KMT2C: variants seen among roughly 807,000 people sequenced by gnomAD.
KMT2C encodes the protein histone-lysine N-methyltransferase 2C.
KMT2C carries 88 observed loss-of-function variants against 507.9 expected under a neutral mutation model. The observed-to-expected ratio is 0.17, with a 90% confidence interval of 0.15 to 0.21. The LOEUF (loss-of-function observed/expected upper bound fraction) is 0.21, where lower values mean the gene tolerates loss of function less well. KMT2C is among the 10% of genes least tolerant of loss of function. The pLI, the probability that KMT2C is intolerant of heterozygous loss-of-function variation, is 1.00. For missense variants in KMT2C, 4,954 were observed against 5,957.8 expected, an observed-to-expected ratio of 0.83 and a Z score of 5.55; for synonymous variants, 2,049 against 2,080.8, an observed-to-expected ratio of 0.98 and a Z score of 0.42.
chr7:152,344,949 T>C (rs1237553619), intron 2 of KMT2C, among the ~76,000 whole-genome samples: 1 of 152,096 alleles, frequency 6.6e-6, no homozygotes, highest in African/African-American at 2.4e-5. Flanking sequence ...ATGATGCCAC[T>C]GCACTCCAGC....
At chr7:152,167,086 C>T in intron 42 of KMT2C, 60 bp downstream of exon 42, 1 of 1,368,216 alleles carries the variant, frequency 7.3e-7, no homozygotes, top group Non-Finnish European at 1.0e-6. Flanking sequence ...ATGAACAACA[C>T]ACCAAAACAT....
At position 152,309,994 on chromosome 7, in the gene KMT2C, T is replaced by G; in HGVS notation, c.821A>C (p.Asp274Ala). 6.2e-7 allele frequency: 1 copy of G among 1,612,966 alleles called. No individual in the cohort carries two copies. Among genetic ancestry groups the G allele is most frequent in the African/African-American group, 1.3e-5 (1 of 75,024 alleles). The change falls in exon 6 of 59, where the codon GAC becomes GCC. Residue 274 changes from aspartate to alanine, a missense_variant. Transcript: ENST00000262189. ...TGTGCTCCCTGAGACAACAGCTTTG[T>G]CCACGTTCACTAACAATGGTTCTTC... Reference protein sequence around the residue: ...QMEEPLLVNVDKAVVSGSTER... With the variant: ...QMEEPLLVNVAKAVVSGSTER...
At chr7:152,328,897 G>T (rs993162447) in intron 3 of KMT2C, among the ~76,000 whole-genome samples, 6 of 152,060 alleles carry the variant, frequency 3.9e-5, no homozygotes, top group Non-Finnish European at 7.4e-5. Context: ...GAAATCGTAG[G>T]GAGAAGCAGA....
chr7:152,146,196 T>C (rs1274759377), intron 53 of KMT2C, among the ~76,000 whole-genome samples: 1 of 152,152 alleles, frequency 6.6e-6, no homozygotes, highest in African/African-American at 2.4e-5. Flanking sequence ...AGTGACTTCA[T>C]CCTAGGAAGA....
intron 1 of KMT2C, among the ~76,000 whole-genome samples, chr7:152,433,901 ATGGGGTG>A (rs2097890009): frequency 6.6e-6 from 1 of 152,274 alleles, no homozygotes; most frequent in Non-Finnish European, 1.5e-5. Flanking sequence ...TTACAGGAGT[ATGGGGTG>A]TGGGGTGTGA....
intron 23 of KMT2C, among the ~76,000 whole-genome samples, chr7:152,207,958 A>G (rs1316596629): frequency 6.6e-6 from 1 of 152,176 alleles, no homozygotes; most frequent in Non-Finnish European, 1.5e-5. Flanking sequence ...CCTACAACCA[A>G]GACTTCTCAA....
intron 7 of KMT2C, among the ~76,000 whole-genome samples, chr7:152,268,697 T>C (rs1365098690): frequency 2.6e-5 from 4 of 152,184 alleles, no homozygotes; most frequent in Non-Finnish European, 5.9e-5. Flanking sequence ...AAATTGATCT[T>C]TTTGCTCACC....
chr7:152,227,257 T>C (rs2094961378), intron 18 of KMT2C, among the ~76,000 whole-genome samples: 2 of 152,254 alleles, frequency 1.3e-5, no homozygotes, highest in African/African-American at 2.4e-5. Context: ...GTACTGGGGT[T>C]GTACTATCAT....
chr7:152,361,609 A>C (rs552314986), intron 1 of KMT2C, among the ~76,000 whole-genome samples: 1 of 152,320 alleles, frequency 6.6e-6, no homozygotes, highest in South Asian at 2.1e-4. Flanking sequence ...TTTGATAGAA[A>C]ACATTAAAAT....
intron 1 of KMT2C, among the ~76,000 whole-genome samples, chr7:152,425,108 C>T (rs898583603): frequency 6.6e-6 from 1 of 152,158 alleles, no homozygotes; most frequent in African/African-American, 2.4e-5. Context: ...CAGTAGACTA[C>T]CATCTCCTTT....
chr7:152,314,174 T>C (rs756920977), intron 4 of KMT2C, among the ~76,000 whole-genome samples: 8 of 152,160 alleles, frequency 5.3e-5, no homozygotes, highest in Non-Finnish European at 1.0e-4. Flanking sequence ...CCTCTTTTTA[T>C]TGTTTCATTT....
intron 1 of KMT2C, among the ~76,000 whole-genome samples, chr7:152,399,229 T>C (rs1009834493): frequency 2.0e-5 from 3 of 152,208 alleles, no homozygotes; most frequent in Admixed American, 1.3e-4. Context: ...GATAAATAAA[T>C]ATCTAAATAA....
At chr7:152,420,993 C>T (rs892000194) in intron 1 of KMT2C, among the ~76,000 whole-genome samples, 13 of 151,344 alleles carry the variant, frequency 8.6e-5, no homozygotes, top group Admixed American at 7.9e-4. Flanking sequence ...AAGTTGTGCA[C>T]ATGTACCCTA....
At chr7:152,155,274 C>T (rs2091962089) in intron 46 of KMT2C, among the ~76,000 whole-genome samples, 1 of 152,174 alleles carries the variant, frequency 6.6e-6, no homozygotes, top group Admixed American at 6.5e-5. Context: ...AAGTAAGGGA[C>T]TTAGGTTAAA....
chr7:152,180,415 A>G (rs2093394256), intron 36 of KMT2C, among the ~76,000 whole-genome samples: 2 of 152,192 alleles, frequency 1.3e-5, no homozygotes, highest in Non-Finnish European at 2.9e-5. Context: ...ACTATTCAAT[A>G]TATTAGGAAA....
rs2094261953 is a variant in KMT2C, at chr7:152,205,022, AT to A, written c.3961+83del. The stretch of plus-strand genomic sequence containing the variant: ...TAAGGCTCTTATTGACTGTAACATT[AT>A]TTAGGATAGTTTTTTCCAATAGAAA... On this transcript the variant is annotated intron_variant, in intron 25 of 58. Coordinates refer to ENST00000262189, the MANE Select transcript of KMT2C (RefSeq NM_170606.3). 2.3e-5 allele frequency: 19 copies of A among 816,208 alleles called. No homozygotes were observed. In the South Asian group the frequency reaches 3.5e-4, roughly 15 times the overall value. 50.6% of individuals were successfully genotyped at this position (816,208 alleles called of 1,614,324 possible).
chr7:152,352,009 T>C (rs1236925389), intron 2 of KMT2C, among the ~76,000 whole-genome samples: 1 of 152,000 alleles, frequency 6.6e-6, no homozygotes, highest in Non-Finnish European at 1.5e-5. Context: ...CTCTGACCGC[T>C]GGTGAGCCGG....
intron 6 of KMT2C, among the ~76,000 whole-genome samples, chr7:152,295,474 G>A (rs1160597817): frequency 6.6e-6 from 1 of 152,088 alleles, no homozygotes; most frequent in Non-Finnish European, 1.5e-5. Flanking sequence ...GTGACCCTCT[G>A]TCTAGAATCC....
At position 152,235,207 on chromosome 7, in the gene KMT2C, G is replaced by GTATATATATA. The variant is rs71533554; in HGVS notation, c.2769+600_2769+609dup. 3.5e-4 allele frequency among the ~76,000 whole-genome samples: 50 copies of GTATATATATA among 142,502 alleles called. 1 individual carries two copies. The highest frequency in any genetic ancestry group is 1.1e-3 in the African/African-American group (42 of 36,706). The allele number at this position is 142,502 out of a possible 152,430, so 93.5% of individuals were successfully genotyped here. A position where few individuals can be genotyped will look rare whatever the true frequency, so the allele number is the denominator to read the frequency against. On this transcript the variant is annotated intron_variant, in intron 16 of 58. Coordinates refer to ENST00000262189, the MANE Select transcript of KMT2C (RefSeq NM_170606.3). Reference sequence around the variant, plus strand: ...TGATTGTGGTATCGTTTTCAAGGGTGTATATATATATATATATCAAAGCTT... The same window carrying GTATATATATA: ...TGATTGTGGTATCGTTTTCAAGGGTGTATATATATATATATATATATATATATCAAAGCTT...
Sources: allele counts gnomAD v4.1 joint callset (sites outside exome capture counted in the v4.1 genomes callset), GRCh38; gene constraint gnomAD v4.1.1; transcripts MANE v1.5; gene names NCBI Gene and HGNC (gene_info 2026-07-23, HGNC 2026-07-21).